DCC: variants seen among roughly 807,000 people sequenced by gnomAD.
DCC encodes the protein netrin receptor DCC.
A neutral mutation model predicts 172.5 loss-of-function variants in DCC; 58 were observed. That is an observed-to-expected ratio of 0.34 (90% confidence interval 0.27 to 0.42). The LOEUF (loss-of-function observed/expected upper bound fraction) is 0.42. Among genes scored for constraint, DCC ranks in the 10% least tolerant of loss-of-function variants. The probability of loss-of-function intolerance (pLI) is 1.00; values close to 1 mark genes in which losing one functional copy is unlikely to be tolerated. For synonymous variants in DCC, 709 were observed against 644.5 expected, an observed-to-expected ratio of 1.10 and a Z score of -1.52; for missense variants, 1,740 against 1,791.0, an observed-to-expected ratio of 0.97 and a Z score of 0.51.
chr18:52,662,752 A>G (rs976145707), intron 1 of DCC, among the ~76,000 whole-genome samples: 1 of 152,264 alleles, frequency 6.6e-6, no homozygotes, highest in Non-Finnish European at 1.5e-5. Flanking sequence ...TTTGGCTGCT[A>G]TAACAAAATA....
At chr18:52,923,931 TTGATA>T in intron 4 of DCC, 74 bp downstream of exon 4, 1 of 1,087,508 alleles carries the variant, frequency 9.2e-7, no homozygotes, top group Non-Finnish European at 1.4e-6. Flanking sequence ...TTTCTCTAAT[TTGATA>T]TAAGTACCTA....
chr18:53,524,340 G>A (rs991075788), intron 27 of DCC, among the ~76,000 whole-genome samples: 2 of 151,608 alleles, frequency 1.3e-5, no homozygotes, highest in Non-Finnish European at 2.9e-5. Context: ...AACTGGGCGT[G>A]AATGACAAAC....
chr18:53,380,886 T>G (rs1198930094), intron 15 of DCC, among the ~76,000 whole-genome samples: 1 of 152,204 alleles, frequency 6.6e-6, no homozygotes, highest in Non-Finnish European at 1.5e-5. Context: ...AGTGTAAGGT[T>G]GATCTTCTCT....
chr18:53,259,778 T>C (rs2056571066), intron 12 of DCC, among the ~76,000 whole-genome samples: 2 of 152,228 alleles, frequency 1.3e-5, no homozygotes, highest in South Asian at 4.1e-4. Context: ...ATTGGGGAAG[T>C]TCTCCTGGAT....
chr18:53,260,179 G>A (rs537290449), intron 12 of DCC, among the ~76,000 whole-genome samples: 6 of 151,916 alleles, frequency 3.9e-5, no homozygotes, highest in East Asian at 1.9e-4. Flanking sequence ...TAGTTTGATC[G>A]TCTGAAGCCT....
chr18:52,923,560 TG>T, intron 3 of DCC, 146 bp from the exon 4 acceptor site: 2 of 689,594 alleles, frequency 2.9e-6, no homozygotes, highest in Non-Finnish European at 5.1e-6. Context: ...ACACTTGGGA[TG>T]AAAAAAACTA....
intron 1 of DCC, among the ~76,000 whole-genome samples, chr18:52,724,386 T>A (rs1448336823): frequency 2.6e-5 from 4 of 152,144 alleles, no homozygotes; most frequent in African/African-American, 9.7e-5. Flanking sequence ...TGGGCTCAAG[T>A]GATCCTCCCA....
At chr18:52,362,123 C>G (rs971414111) in intron 1 of DCC, among the ~76,000 whole-genome samples, 1 of 152,158 alleles carries the variant, frequency 6.6e-6, no homozygotes, top group African/African-American at 2.4e-5. Flanking sequence ...TCATATACAC[C>G]AAATGAACCA....
At chr18:52,618,813 T>C (rs1433859409) in intron 1 of DCC, among the ~76,000 whole-genome samples, 4 of 152,236 alleles carry the variant, frequency 2.6e-5, no homozygotes, top group Non-Finnish European at 5.9e-5. Context: ...GACAGAGCTT[T>C]GGGTCAACAA....
chr18:52,537,953 A>G (rs1156702329), intron 1 of DCC, among the ~76,000 whole-genome samples: 1 of 152,172 alleles, frequency 6.6e-6, no homozygotes, highest in Non-Finnish European at 1.5e-5. Flanking sequence ...TTTCTTGCCT[A>G]TAATTCAAAT....
intron 12 of DCC, among the ~76,000 whole-genome samples, chr18:53,225,308 G>A (rs1027662742): frequency 1.3e-5 from 2 of 152,126 alleles, no homozygotes; most frequent in East Asian, 1.9e-4. Context: ...CTTGAGGGAG[G>A]TGTTATTGTT....
At chr18:52,807,511 A>G (rs1275089847) in intron 2 of DCC, among the ~76,000 whole-genome samples, 2 of 136,886 alleles carry the variant, frequency 1.5e-5, no homozygotes, top group East Asian at 4.9e-4. Flanking sequence ...AAATAATGAC[A>G]GCAATATTGA....
At chr18:52,781,087 G>A (rs982380027) in intron 2 of DCC, among the ~76,000 whole-genome samples, 1 of 152,120 alleles carries the variant, frequency 6.6e-6, no homozygotes, top group African/African-American at 2.4e-5. Context: ...TGTTCAGGTT[G>A]GATGAATAAT....
intron 12 of DCC, among the ~76,000 whole-genome samples, chr18:53,291,838 A>C (rs1023553384): frequency 6.6e-6 from 1 of 152,184 alleles, no homozygotes; most frequent in African/African-American, 2.4e-5. Context: ...ACAAATTCCA[A>C]AATGTATTAA....
intron 12 of DCC, among the ~76,000 whole-genome samples, chr18:53,252,721 T>A (rs970289264): frequency 6.6e-6 from 1 of 151,966 alleles, no homozygotes; most frequent in Non-Finnish European, 1.5e-5. Flanking sequence ...GATGTTGACT[T>A]GTCTATCTGG....
intron 17 of DCC, among the ~76,000 whole-genome samples, chr18:53,394,692 A>C (rs777655612): frequency 9.9e-5 from 15 of 152,150 alleles, no homozygotes; most frequent in Non-Finnish European, 1.9e-4. Flanking sequence ...ACATGCTTAA[A>C]ATTACATACA....
chr18:52,819,971 C>T (rs1006368971), intron 2 of DCC, among the ~76,000 whole-genome samples: 5 of 152,086 alleles, frequency 3.3e-5, no homozygotes, highest in Admixed American at 1.3e-4. Context: ...CCACCTGCCT[C>T]GGCCTCCCAA....
intron 1 of DCC, among the ~76,000 whole-genome samples, chr18:52,410,463 A>T (rs575711775): frequency 6.6e-6 from 1 of 152,276 alleles, no homozygotes; most frequent in East Asian, 1.9e-4. Context: ...CAACAACTGT[A>T]TGAAAAGTTT....
At chr18:52,531,046 A>AT (rs2032133830) in intron 1 of DCC, among the ~76,000 whole-genome samples, 1 of 152,216 alleles carries the variant, frequency 6.6e-6, no homozygotes. Context: ...TTTACTGCAC[A>AT]GTTCCTGTTA....
Sources: allele counts gnomAD v4.1 joint callset (sites outside exome capture counted in the v4.1 genomes callset), GRCh38; gene constraint gnomAD v4.1.1; transcripts MANE v1.5; gene names NCBI Gene and HGNC (gene_info 2026-07-23, HGNC 2026-07-21).